The following PREX1 variants were observed in gnomAD, a reference collection of about 807,000 sequenced individuals.
The protein encoded by PREX1 is phosphatidylinositol 3,4,5-trisphosphate-dependent Rac exchanger 1 protein.
Under a neutral mutation model 198.3 loss-of-function variants are expected in PREX1, and 41 were observed. The observed-to-expected ratio is 0.21, with a 90% CI of 0.16 to 0.27. The LOEUF (loss-of-function observed/expected upper bound fraction) is 0.27. Ranked by LOEUF, PREX1 falls within the 10% of genes least tolerant of loss-of-function variation. The pLI is 1.00. For synonymous variants in PREX1, 843 were observed against 887.2 expected, an observed-to-expected ratio of 0.95 and a Z score of 0.89; for missense variants, 1,620 against 2,200.7, an observed-to-expected ratio of 0.74 and a Z score of 5.28.
chr20:48,787,272 G>A (rs1266595659), intron 1 of PREX1, among the ~76,000 whole-genome samples: 1 of 152,062 alleles, frequency 6.6e-6, no homozygotes, highest in South Asian at 2.1e-4. Context: ...ATCCCAGGAC[G>A]ACACGGCACT....
the PREX1 span, among the ~76,000 whole-genome samples, chr20:48,847,230 A>G: frequency 6.6e-6 from 1 of 152,120 alleles, no homozygotes; most frequent in Non-Finnish European, 1.5e-5. Flanking sequence ...AGTGGAGTTA[A>G]GATGAGTTAT....
At chr20:48,686,725 T>C (rs2089787207) in intron 10 of PREX1, among the ~76,000 whole-genome samples, 1 of 152,016 alleles carries the variant, frequency 6.6e-6, no homozygotes, top group Admixed American at 6.5e-5. Flanking sequence ...AGAGCTGGAG[T>C]TCCTGATCTT....
chr20:48,626,394 C>T (rs915469052), intron 39 of PREX1, among the ~76,000 whole-genome samples: 1 of 152,238 alleles, frequency 6.6e-6, no homozygotes, highest in Non-Finnish European at 1.5e-5. Context: ...AGCGCTCGGA[C>T]TCCACGCCCA....
At chr20:48,833,433 T>C in the PREX1 span, among the ~76,000 whole-genome samples, 7 of 128,402 alleles carry the variant, frequency 5.5e-5, no homozygotes, top group African/African-American at 2.0e-4. Flanking sequence ...GGTCACCCTA[T>C]CTTTTCTTTC....
chr20:48,815,958 C>T (rs1238071191), intron 1 of PREX1, among the ~76,000 whole-genome samples: 1 of 148,404 alleles, frequency 6.7e-6, no homozygotes, highest in African/African-American at 2.5e-5. Flanking sequence ...TGCAGTGAGC[C>T]GAGATTGCAC....
intron 1 of PREX1, among the ~76,000 whole-genome samples, chr20:48,771,804 T>C (rs768646413): frequency 3.0e-4 from 46 of 152,192 alleles, no homozygotes; most frequent in Non-Finnish European, 5.9e-4. Flanking sequence ...ACCACAGCCC[T>C]GTGGGCAGGG....
chr20:48,848,798 G>A, the PREX1 span, among the ~76,000 whole-genome samples: 10 of 152,140 alleles, frequency 6.6e-5, no homozygotes, highest in Non-Finnish European at 8.8e-5. Flanking sequence ...GTTCAGTGGC[G>A]GGATCTCGGC....
intron 1 of PREX1, among the ~76,000 whole-genome samples, chr20:48,826,504 AG>A (rs2090509512): frequency 6.6e-6 from 1 of 152,186 alleles, no homozygotes; most frequent in African/African-American, 2.4e-5. Flanking sequence ...CCACTTAATC[AG>A]CTGTGCGATC....
At chr20:48,858,342 C>G in the PREX1 span, among the ~76,000 whole-genome samples, 2 of 152,226 alleles carry the variant, frequency 1.3e-5, no homozygotes, top group African/African-American at 4.8e-5. Context: ...CAAACTCACT[C>G]AGCATCAATC....
chr20:48,636,690 G>A lies in PREX1; in HGVS notation c.3947-7C>T, dbSNP rs750343213. The A allele has an allele frequency of 1.3e-4, 203 of 1,593,338 alleles. 1 individual carries two copies. Among genetic ancestry groups the A allele is most frequent in the Non-Finnish European group, 1.7e-4 (198 of 1,170,546 alleles). ...CGCAGCTGCAGCTCCGTGTCTGGGG[G>A]CAGAGGGCAGGAGGCCTTGCTGGAG... On this transcript the variant is annotated splice_region_variant and splice_polypyrimidine_tract_variant and intron_variant, in intron 31 of 39. Coordinates refer to ENST00000371941, the MANE Select transcript of PREX1 (RefSeq NM_020820.4).
chr20:48,627,920 G>A lies in PREX1; in HGVS notation c.4810C>T (p.Arg1604Trp), dbSNP rs1447178153. ...VSLEQAAILA[R>W]SHGLLPKCIM... ...CACTTGGGCAGCAACCCGTGGCTCC[G>A]TGCCAAGATGGCCGCCTGCTCCAGG... Residue 1604 changes from arginine to tryptophan, a missense_variant, in exon 38 of 40, where the codon CGG becomes TGG. By Grantham distance (101) the Arg-to-Trp change is moderately radical (BLOSUM62 -3). Coordinates refer to ENST00000371941, the MANE Select transcript of PREX1 (RefSeq NM_020820.4). 14 of 1,612,540 alleles carry A rather than the reference G, an allele frequency of 8.7e-6. 1 individual carries two copies. The highest frequency in any genetic ancestry group is 8.0e-5 in the African/African-American group (6 of 74,866).
At chr20:48,834,695 G>C in the PREX1 span, among the ~76,000 whole-genome samples, 1 of 152,046 alleles carries the variant, frequency 6.6e-6, no homozygotes, top group African/African-American at 2.4e-5. Flanking sequence ...AAGTAGCTGG[G>C]ACCCCAGGCA....
At chr20:48,643,467 CA>C (rs928756623) in intron 27 of PREX1, among the ~76,000 whole-genome samples, 2 of 146,270 alleles carry the variant, frequency 1.4e-5, no homozygotes, top group South Asian at 2.2e-4. Flanking sequence ...GACTCTGTCT[CA>C]AAAAAAAATT....
In PREX1 at chr20:48,827,754, G is replaced by T; in HGVS notation, c.107C>A (p.Pro36Gln). ...CTCGGACTCCCGGGCGGCCGCGCAC[G>T]GGCCGGGGCCGGAGCTGGGCGCCGC... ...GAAAPSSGPG[P>Q]CAAARESERQ... Residue 36 changes from proline (P) to glutamine (Q), a missense_variant, in exon 1 of 40, where the codon CCG (proline) becomes CAG (glutamine). Physicochemically the swap from Pro to Gln is moderately conservative, Grantham distance 76. This residue lies in a region of PREX1 where 96 missense variants were observed against 98.7 expected (regional missense o/e 0.97). Transcript: ENST00000371941. The surrounding 1 kb of genome is among the most constrained non-coding windows in gnomAD (Gnocchi z 4.1). 8.2e-7 allele frequency: 1 copy of T among 1,225,730 alleles called. No individual in the cohort carries two copies. The highest frequency in any genetic ancestry group is 1.6e-5 in the African/African-American group (1 of 62,756). The allele number at this position is 1,225,730 out of a possible 1,614,324, so 75.9% of individuals were successfully genotyped here. A position where few individuals can be genotyped will look rare whatever the true frequency, so the allele number is the denominator to read the frequency against.
intron 1 of PREX1, among the ~76,000 whole-genome samples, chr20:48,808,394 G>C (rs1039031130): frequency 2.0e-5 from 3 of 152,206 alleles, no homozygotes; most frequent in Non-Finnish European, 2.9e-5. Context: ...AGAGCTCCAA[G>C]AAAAGCAGCC....
chr20:48,848,752 G>A, the PREX1 span, among the ~76,000 whole-genome samples: 167 of 152,120 alleles, frequency 1.1e-3, no homozygotes, highest in South Asian at 4.6e-3. Context: ...TTTTTAGGGG[G>A]GGTGGTTGGA....
rs190997278 is a variant in PREX1 at position 48,769,338 on chromosome 20, C to T, written c.220-21458G>A. ...GACGTGCCTTGAATCCTGAGGGGATCCTCTCCAGGTGTGTGAGAGGTGTCC... is the reference window on the plus strand; with the variant it reads ...GACGTGCCTTGAATCCTGAGGGGATTCTCTCCAGGTGTGTGAGAGGTGTCC... On this transcript the variant is annotated intron_variant, in intron 1 of 39. Coordinates refer to ENST00000371941, the MANE Select transcript of PREX1 (RefSeq NM_020820.4). 2.7e-3 allele frequency among the ~76,000 whole-genome samples: 409 copies of T among 152,268 alleles called. 2 individuals carry two copies. Among genetic ancestry groups the T allele is most frequent in the African/African-American group, 8.5e-3 (352 of 41,544 alleles).
chr20:48,735,742 C>CA (rs1484280492), intron 3 of PREX1, among the ~76,000 whole-genome samples: 1 of 152,148 alleles, frequency 6.6e-6, no homozygotes, highest in African/African-American at 2.4e-5. Flanking sequence ...ATACCCATGA[C>CA]AAAACCAAGG....
intron 10 of PREX1, among the ~76,000 whole-genome samples, chr20:48,683,865 A>G (rs1869618591): frequency 6.6e-6 from 1 of 152,146 alleles, no homozygotes; most frequent in South Asian, 2.1e-4. Flanking sequence ...CCTCTGGGGT[A>G]CAGGGGAGAG....
Sources: gnomAD v4.1 joint callset for allele counts (sites outside exome capture counted in the v4.1 genomes callset) on GRCh38, gnomAD v4.1.1 for gene constraint, gnomAD v4.1.1 regional missense constraint, Gnocchi (gnomAD v3.1) non-coding constraint, MANE v1.5 for transcripts, NCBI Gene and HGNC (gene_info 2026-07-23, HGNC 2026-07-21) for gene names.